The following COX5A variants were observed in gnomAD, a reference collection of about 807,000 sequenced individuals.
COX5A encodes cytochrome c oxidase subunit 5A, mitochondrial.
A neutral mutation model predicts 16.1 loss-of-function variants in COX5A; 6 were observed. The observed-to-expected ratio is 0.37, with a 90% CI of 0.20 to 0.73. The LOEUF is 0.73. Ranked by LOEUF, COX5A falls within the 30% of genes least tolerant of loss-of-function variation. COX5A has a pLI of 0.50. For synonymous variants in COX5A, 73 were observed against 73.8 expected, an observed-to-expected ratio of 0.99 and a Z score of 0.06; for missense variants, 159 against 194.9, an observed-to-expected ratio of 0.82 and a Z score of 1.10.
At chr15:74,936,650 G>A (rs2065391501) in intron 1 of COX5A, among the ~76,000 whole-genome samples, 1 of 124,222 alleles carries the variant, frequency 8.1e-6, no homozygotes, top group South Asian at 2.7e-4. Context: ...TTTTTGAGAC[G>A]GAGTCTCGCT....
intron 1 of COX5A, among the ~76,000 whole-genome samples, chr15:74,934,332 A>AT (rs764981754): frequency 2.6e-3 from 373 of 144,960 alleles, no homozygotes; most frequent in Non-Finnish European, 3.1e-3. Flanking sequence ...CGTGATTTAA[A>AT]TTTTTTTTTT....
At chr15:74,935,735 T>C (rs1053427209) in intron 1 of COX5A, among the ~76,000 whole-genome samples, 9 of 151,726 alleles carry the variant, frequency 5.9e-5, no homozygotes, top group African/African-American at 2.2e-4. Context: ...TGGGACCACG[T>C]GTGCGTGCCA....
At chr15:74,935,313 A>C (rs542169109) in intron 1 of COX5A, among the ~76,000 whole-genome samples, 2 of 152,142 alleles carry the variant, frequency 1.3e-5, no homozygotes, top group East Asian at 3.9e-4. Flanking sequence ...AAAACAAAAC[A>C]AAACCACAAC....
intron 4 of COX5A, among the ~76,000 whole-genome samples, chr15:74,921,155 C>T (rs958594556): frequency 4.6e-5 from 7 of 151,968 alleles, no homozygotes; most frequent in African/African-American, 1.7e-4. Context: ...CGCCTGTAAT[C>T]CCAGCACTTT....
At chr15:74,922,448 T>G (rs12909335) in intron 4 of COX5A, among the ~76,000 whole-genome samples, 53,449 of 151,912 alleles carry the variant, frequency 0.35, 12,169 homozygotes, top group Non-Finnish European at 0.52. Context: ...GTTCAGTTTC[T>G]CAACAGGAAG....
chr15:74,933,148 TC>T (rs11355603), intron 1 of COX5A, among the ~76,000 whole-genome samples: 34,637 of 151,462 alleles, frequency 0.23, 4,889 homozygotes, highest in East Asian at 0.65. Flanking sequence ...GTGCGGTGGC[TC>T]ACACCTGTAA....
At chr15:74,924,066 G>C (rs1028117626) in intron 3 of COX5A, among the ~76,000 whole-genome samples, 3 of 152,106 alleles carry the variant, frequency 2.0e-5, no homozygotes, top group Admixed American at 1.3e-4. Context: ...TGTAATCTCA[G>C]CTACTCGGGA....
rs771544611 is a variant in COX5A at position 74,923,651 on chromosome 15, T to G, written c.*6A>C. The G allele has an allele frequency of 1.3e-6, 2 of 1,576,406 alleles. No homozygotes were observed. Reference sequence around the variant, plus strand: ...TCTTCAGTGGTTTGTCGCTTACCCATGCGGTTTACACTTTGTCAAGGCCCA... The same window carrying G: ...TCTTCAGTGGTTTGTCGCTTACCCAGGCGGTTTACACTTTGTCAAGGCCCA... On this transcript the variant is annotated 3_prime_UTR_variant, in exon 4 of 5. Coordinates refer to ENST00000322347, the MANE Select transcript of COX5A (RefSeq NM_004255.4).
intron 3 of COX5A, among the ~76,000 whole-genome samples, chr15:74,924,427 CTCGG>C (rs1400185704): frequency 6.6e-6 from 1 of 151,860 alleles, no homozygotes; most frequent in Non-Finnish European, 1.5e-5. Context: ...ATCCCAGCTA[CTCGG>C]GAATGCTTGA....
At chr15:74,933,862 T>C (rs2065377654) in intron 1 of COX5A, among the ~76,000 whole-genome samples, 1 of 152,246 alleles carries the variant, frequency 6.6e-6, no homozygotes, top group Non-Finnish European at 1.5e-5. Flanking sequence ...ACATGAGTGC[T>C]AGGCTTTGTT....
At chr15:74,920,781 C>G (rs2065316193) in intron 4 of COX5A, among the ~76,000 whole-genome samples, 1 of 152,104 alleles carries the variant, frequency 6.6e-6, no homozygotes, top group Non-Finnish European at 1.5e-5. Flanking sequence ...AGTTCAAGAC[C>G]ACCCTGGGCA....
intron 4 of COX5A, among the ~76,000 whole-genome samples, chr15:74,920,750 A>G (rs1388048998): frequency 6.6e-6 from 1 of 152,182 alleles, no homozygotes; most frequent in Non-Finnish European, 1.5e-5. Context: ...AGCCGAGGCG[A>G]ATGGATTGCC....
At chr15:74,926,475 C>T (rs1286622928) in intron 3 of COX5A, among the ~76,000 whole-genome samples, 1 of 141,402 alleles carries the variant, frequency 7.1e-6, no homozygotes, top group East Asian at 2.0e-4. Flanking sequence ...CACACACGGC[C>T]AAGATAAATT....
intron 1 of COX5A, among the ~76,000 whole-genome samples, chr15:74,934,466 G>A (rs917729269): frequency 1.1e-4 from 16 of 151,998 alleles, no homozygotes; most frequent in African/African-American, 3.9e-4. Flanking sequence ...CAGCAGCTGG[G>A]ACTACAGGCA....
intron 1 of COX5A, among the ~76,000 whole-genome samples, chr15:74,934,426 G>T (rs1342452540): frequency 3.3e-5 from 5 of 151,834 alleles, no homozygotes; most frequent in Admixed American, 1.3e-4. Flanking sequence ...CGCCTCCCAG[G>T]TTCACGCCAT....
intron 4 of COX5A, among the ~76,000 whole-genome samples, chr15:74,922,993 C>CAACAATAAA (rs1224892337): frequency 6.6e-6 from 1 of 152,104 alleles, no homozygotes; most frequent in Non-Finnish European, 1.5e-5. Context: ...GCAAATGTGG[C>CAACAATAAA]AACAATAAAA....
At chr15:74,923,130 T>A (rs2065329161) in intron 4 of COX5A, among the ~76,000 whole-genome samples, 1 of 151,882 alleles carries the variant, frequency 6.6e-6, no homozygotes, top group Non-Finnish European at 1.5e-5. Context: ...TTTCTACCAG[T>A]AAGAAAATAA....
chr15:74,923,235 C>A (rs1357152060), intron 4 of COX5A, among the ~76,000 whole-genome samples: 1 of 151,892 alleles, frequency 6.6e-6, no homozygotes, highest in African/African-American at 2.4e-5. Context: ...ACCAGCCTGG[C>A]CGACAGGATG....
chr15:74,923,855 T>C (rs938693618), intron 3 of COX5A, 85 bp from the exon 4 acceptor site: 11 of 863,078 alleles, frequency 1.3e-5, no homozygotes, highest in Non-Finnish European at 1.9e-5. Flanking sequence ...ATGCCTTTAA[T>C]TACTTATGCA....
Sources: allele counts gnomAD v4.1 joint callset (sites outside exome capture counted in the v4.1 genomes callset), GRCh38; gene constraint gnomAD v4.1.1; transcripts MANE v1.5; gene names NCBI Gene and HGNC (gene_info 2026-07-23, HGNC 2026-07-21).